Variants in SAMMSON observed in about 807,000 individuals in gnomAD.
The protein encoded by SAMMSON is survival associated mitochondrial melanoma specific oncogenic non-coding RNA, also known as long intergenic non-protein coding RNA 1212.
intron 6 of SAMMSON, among the ~76,000 whole-genome samples, chr3:70,289,697 C>A (rs1290554934): frequency 1.3e-5 from 2 of 152,246 alleles, no homozygotes; most frequent in African/African-American, 4.8e-5. Context: ...TCAGGTACAC[C>A]AATCAGACCT....
intron 4 of SAMMSON, among the ~76,000 whole-genome samples, chr3:70,245,764 T>G (rs1701702329): frequency 6.9e-6 from 1 of 144,586 alleles, no homozygotes; most frequent in Admixed American, 7.0e-5. Flanking sequence ...ATTGCTATTC[T>G]TCAAAAGGAC....
chr3:70,343,648 G>T (rs971364574), intron 7 of SAMMSON, among the ~76,000 whole-genome samples: 2 of 152,036 alleles, frequency 1.3e-5, no homozygotes, highest in East Asian at 3.9e-4. Flanking sequence ...AGGGAGGTTT[G>T]TCAAGTTTCC....
intron 4 of SAMMSON, among the ~76,000 whole-genome samples, chr3:70,135,414 G>T (rs59403967): frequency 0.23 from 35,687 of 151,974 alleles, 4,643 homozygotes; most frequent in East Asian, 0.51. Context: ...ATAAACATTA[G>T]AATGGGTAAT....
chr3:70,313,342 T>C (rs1337374349), intron 7 of SAMMSON, among the ~76,000 whole-genome samples: 1 of 151,872 alleles, frequency 6.6e-6, no homozygotes, highest in Admixed American at 6.6e-5. Context: ...TAGCTGGGTG[T>C]GGATATATGT....
chr3:70,322,074 A>T (rs1478064055), intron 7 of SAMMSON, among the ~76,000 whole-genome samples: 6 of 152,038 alleles, frequency 3.9e-5, no homozygotes, highest in Non-Finnish European at 8.8e-5. Context: ...AGCAATATAA[A>T]ATATTGCTTA....
intron 8 of SAMMSON, among the ~76,000 whole-genome samples, chr3:70,354,771 T>C (rs1410480823): frequency 6.6e-6 from 1 of 152,204 alleles, no homozygotes; most frequent in South Asian, 2.1e-4. Flanking sequence ...CAAACTTCTT[T>C]AGACTGCATA....
At chr3:70,148,440 A>G (rs2067557880) in intron 4 of SAMMSON, among the ~76,000 whole-genome samples, 1 of 152,076 alleles carries the variant, frequency 6.6e-6, no homozygotes, top group Non-Finnish European at 1.5e-5. Flanking sequence ...TTGTACAAGT[A>G]ATTTGTCTTA....
intron 6 of SAMMSON, among the ~76,000 whole-genome samples, chr3:70,252,628 A>G (rs1000178356): frequency 6.6e-6 from 1 of 152,232 alleles, no homozygotes; most frequent in African/African-American, 2.4e-5. Context: ...TGCCCCATTT[A>G]TAGGAGGTAA....
At chr3:70,195,244 C>A (rs1701164453) in intron 4 of SAMMSON, among the ~76,000 whole-genome samples, 1 of 151,882 alleles carries the variant, frequency 6.6e-6, no homozygotes. Context: ...TCTACAAGTT[C>A]TATGCATTGA....
rs116134625 is a variant in SAMMSON, at chr3:70,417,154, G to A, written n.234-45406G>A. On this transcript the variant is annotated intron_variant and non_coding_transcript_variant, in intron 2 of 3. Coordinates refer to the SAMMSON transcript ENST00000641053. ...TTGGCACAGGAGTAAAACCCAACAC[G>A]CTTTCCTGAATAGAGAAATTTTACC... 6.1e-3 allele frequency among the ~76,000 whole-genome samples: 934 copies of A among 152,110 alleles called. 9 individuals are homozygous for A. The highest frequency in any genetic ancestry group is 0.02 in the African/African-American group (847 of 41,484).
chr3:70,246,911 A>C (rs1701712429), intron 4 of SAMMSON, among the ~76,000 whole-genome samples: 1 of 152,088 alleles, frequency 6.6e-6, no homozygotes, highest in African/African-American at 2.4e-5. Context: ...TTATATTTAG[A>C]CATGACTCTT....
chr3:70,310,937 A>G (rs1323324368), intron 7 of SAMMSON, among the ~76,000 whole-genome samples: 1 of 152,016 alleles, frequency 6.6e-6, no homozygotes, highest in Non-Finnish European at 1.5e-5. Flanking sequence ...AGTTACTAGA[A>G]CTCTTTAAGG....
At chr3:70,125,194 A>G (rs2067451772) in intron 4 of SAMMSON, 2 of 1,525,184 alleles carry the variant, frequency 1.3e-6, no homozygotes, top group South Asian at 1.1e-5. Flanking sequence ...CTGCTTTTTC[A>G]TTAGGAAGTC....
chr3:70,028,726 G>T (rs2067052729), intron 3 of SAMMSON, among the ~76,000 whole-genome samples: 1 of 152,182 alleles, frequency 6.6e-6, no homozygotes, highest in Non-Finnish European at 1.5e-5. Context: ...AGGGGATGAA[G>T]CCTCTCCAAA....
chr3:70,350,091 A>C (rs1283038059), intron 7 of SAMMSON, among the ~76,000 whole-genome samples: 3 of 152,226 alleles, frequency 2.0e-5, no homozygotes, highest in African/African-American at 4.8e-5. Flanking sequence ...CTATGATCCA[A>C]ATTCTAAAAA....
intron 7 of SAMMSON, among the ~76,000 whole-genome samples, chr3:70,319,628 T>TC (rs112863455): frequency 1.2e-4 from 18 of 152,192 alleles, no homozygotes; most frequent in African/African-American, 3.8e-4. Context: ...TTTAGAAGGA[T>TC]AGTAGTTTTT....
chr3:70,413,732 CA>C (rs1701241025), intron 2 of SAMMSON, among the ~76,000 whole-genome samples: 1 of 151,614 alleles, frequency 6.6e-6, no homozygotes. Flanking sequence ...AATAGCATGT[CA>C]AAAAAGGGCA....
chr3:70,226,844 G>C (rs928127136), intron 4 of SAMMSON, among the ~76,000 whole-genome samples: 15 of 151,916 alleles, frequency 9.9e-5, no homozygotes. Flanking sequence ...AAAAAAAATA[G>C]TGCTTAGCAG....
At chr3:70,381,315 T>A (rs1703066372) in intron 9 of SAMMSON, among the ~76,000 whole-genome samples, 1 of 152,148 alleles carries the variant, frequency 6.6e-6, no homozygotes, top group Non-Finnish European at 1.5e-5. Flanking sequence ...AGCTAATAAA[T>A]GTGGAATGAG....
Sources: allele counts gnomAD v4.1 joint callset (sites outside exome capture counted in the v4.1 genomes callset), GRCh38; gene constraint gnomAD v4.1.1; transcripts MANE v1.5; gene names NCBI Gene and HGNC (gene_info 2026-07-23, HGNC 2026-07-21).